Variants in FAM210A observed in about 807,000 individuals in gnomAD.
FAM210A encodes mitochondrial inner membrane scaffold 1.
Under a neutral mutation model 25.3 loss-of-function variants are expected in FAM210A, and 13 were observed. The observed-to-expected ratio is 0.51, with a 90% CI of 0.33 to 0.82. FAM210A has a LOEUF of 0.82. Ranked by LOEUF, FAM210A falls within the 40% of genes least tolerant of loss-of-function variation. The pLI is 0.02. For missense variants in FAM210A, 319 were observed against 323.2 expected (o/e 0.99, Z 0.10); for synonymous variants, 125 against 118.7 (o/e 1.05, Z -0.35).
At chr18:13,704,564 T>G (rs1333983482) in intron 1 of FAM210A, among the ~76,000 whole-genome samples, 15 of 152,202 alleles carry the variant, frequency 9.9e-5, no homozygotes, top group Non-Finnish European at 2.9e-5. Context: ...GAAAATCAAA[T>G]TTCAGCTTCA....
intron 1 of FAM210A, among the ~76,000 whole-genome samples, chr18:13,713,566 T>C (rs1439153305): frequency 2.0e-5 from 3 of 152,208 alleles, no homozygotes; most frequent in African/African-American, 4.8e-5. Context: ...CTGAAGGTAA[T>C]GCCTGGTGAG....
chr18:13,667,894 A>AAAAAG (rs1263760825), intron 3 of FAM210A, among the ~76,000 whole-genome samples: 1 of 152,162 alleles, frequency 6.6e-6, no homozygotes, highest in Non-Finnish European at 1.5e-5. Context: ...AAGAAAGAAG[A>AAAAAG]AAAAGAAAAG....
chr18:13,704,777 A>G (rs916040425), intron 1 of FAM210A, among the ~76,000 whole-genome samples: 17 of 152,186 alleles, frequency 1.1e-4, no homozygotes, highest in African/African-American at 4.1e-4. Context: ...TCTAAAATTA[A>G]TATGTCTGTG....
At chr18:13,708,946 ATC>A (rs2043801863) in intron 1 of FAM210A, among the ~76,000 whole-genome samples, 1 of 152,188 alleles carries the variant, frequency 6.6e-6, no homozygotes, top group African/African-American at 2.4e-5. Context: ...CAGTCCTATT[ATC>A]TGTTTCTTCC....
chr18:13,722,329 G>C (rs2043903678), intron 1 of FAM210A, among the ~76,000 whole-genome samples: 1 of 150,986 alleles, frequency 6.6e-6, no homozygotes, highest in Admixed American at 6.6e-5. Context: ...CTGCAGCTAA[G>C]GACCCCCAGT....
At chr18:13,680,354 C>A (rs114376522) in intron 2 of FAM210A, among the ~76,000 whole-genome samples, 2,708 of 152,182 alleles carry the variant, frequency 0.018, 31 homozygotes, top group Middle Eastern at 0.061. Context: ...CCTAAAGAAT[C>A]TTCTGCAAGG....
At chr18:13,668,226 C>T (rs188857510) in intron 3 of FAM210A, among the ~76,000 whole-genome samples, 2 of 152,344 alleles carry the variant, frequency 1.3e-5, no homozygotes, top group East Asian at 3.9e-4. Flanking sequence ...AAAACTAAAT[C>T]CAGTTGTCAA....
chr18:13,695,380 T>C (rs751771159), intron 1 of FAM210A, among the ~76,000 whole-genome samples: 4 of 152,200 alleles, frequency 2.6e-5, no homozygotes, highest in South Asian at 2.1e-4. Flanking sequence ...ACCCAAAGGA[T>C]TATAAATCAT....
chr18:13,720,299 A>G (rs2043888691), intron 1 of FAM210A, among the ~76,000 whole-genome samples: 2 of 152,172 alleles, frequency 1.3e-5, no homozygotes, highest in African/African-American at 4.8e-5. Context: ...TGAGTGGCAG[A>G]GCAGTTTGCA....
intron 1 of FAM210A, among the ~76,000 whole-genome samples, chr18:13,714,775 T>A (rs16940993): frequency 0.02 from 3,044 of 152,260 alleles, 100 homozygotes; most frequent in African/African-American, 0.069. Flanking sequence ...ATTAAAGAGC[T>A]ACAAAAATAT....
Position 13,666,361 on chromosome 18 carries a change from C to T in FAM210A, c.*119G>A. ...AAAAAGGTATTTTACTTCTTTAACC[C>T]TCAGAGAACTAGTATATTTCGGCAA... On this transcript the variant is annotated 3_prime_UTR_variant, in exon 4 of 4. Coordinates refer to ENST00000651643, the MANE Select transcript of FAM210A (RefSeq NM_152352.4). 1 of 713,272 alleles carries T rather than the reference C, an allele frequency of 1.4e-6. No homozygotes were observed. The highest frequency in any genetic ancestry group is 2.0e-5 in the South Asian group (1 of 51,208). The allele number at this position is 713,272 out of a possible 1,614,324, so 44.2% of individuals were successfully genotyped here.
At chr18:13,697,017 G>A (rs137903162) in intron 1 of FAM210A, among the ~76,000 whole-genome samples, 71 of 152,230 alleles carry the variant, frequency 4.7e-4, no homozygotes, top group Middle Eastern at 3.4e-3. Flanking sequence ...GGTATGTTTA[G>A]ACAGAAAAAT....
intron 1 of FAM210A, among the ~76,000 whole-genome samples, chr18:13,701,397 C>G (rs2043738477): frequency 6.6e-6 from 1 of 152,172 alleles, no homozygotes; most frequent in South Asian, 2.1e-4. Flanking sequence ...TTACATCTGA[C>G]TGGGTCAGAA....
chr18:13,675,520 C>T (rs2043488655), intron 2 of FAM210A, among the ~76,000 whole-genome samples: 3 of 85,878 alleles, frequency 3.5e-5, no homozygotes, highest in Admixed American at 1.2e-4. Flanking sequence ...CATTCCTGAG[C>T]CCTGGCCTCT....
chr18:13,671,862 C>T lies in FAM210A; in HGVS notation c.585G>A (p.Lys195=). The T allele has an allele frequency of 3.7e-6, 6 of 1,607,924 alleles. No homozygotes were observed. The highest frequency in any genetic ancestry group is 5.1e-6 in the Non-Finnish European group (6 of 1,174,618). ...GCAATGGGTTTGTTACAGTACCCAC[C>T]TTAAACAAGGCATATGCTGTGAGGG... ...GNALTAYALF[K]IATPARYTVT... Residue 195 remains lysine (K), a splice_region_variant and synonymous_variant, in exon 3 of 4, where the codon AAG becomes AAA. Coordinates refer to ENST00000651643, the MANE Select transcript of FAM210A (RefSeq NM_152352.4).
intron 1 of FAM210A, among the ~76,000 whole-genome samples, chr18:13,709,907 G>A (rs2043808408): frequency 6.6e-6 from 1 of 152,162 alleles, no homozygotes; most frequent in South Asian, 2.1e-4. Context: ...AAGTGCCTGT[G>A]CAAAGATTAT....
intron 2 of FAM210A, among the ~76,000 whole-genome samples, chr18:13,677,326 G>C (rs1016178346): frequency 1.3e-5 from 2 of 152,014 alleles, no homozygotes; most frequent in Non-Finnish European, 2.9e-5. Flanking sequence ...CGCCCACCTC[G>C]GCCTCCCAAA....
intron 2 of FAM210A, among the ~76,000 whole-genome samples, chr18:13,678,705 G>T (rs1376391069): frequency 1.3e-5 from 2 of 152,224 alleles, no homozygotes; most frequent in Non-Finnish European, 2.9e-5. Context: ...TCTACTGTTT[G>T]TCACTTTCTA....
chr18:13,723,561 CT>C (rs1287563318), intron 1 of FAM210A, among the ~76,000 whole-genome samples: 1 of 152,188 alleles, frequency 6.6e-6, no homozygotes, highest in African/African-American at 2.4e-5. Flanking sequence ...CTTCAGGACA[CT>C]TCAGTTTTGG....
Sources: allele counts gnomAD v4.1 joint callset (sites outside exome capture counted in the v4.1 genomes callset), GRCh38; gene constraint gnomAD v4.1.1; transcripts MANE v1.5; gene names NCBI Gene and HGNC (gene_info 2026-07-23, HGNC 2026-07-21).